PAFAH1B2: variants seen among roughly 807,000 people sequenced by gnomAD.
The protein encoded by PAFAH1B2 is platelet activating factor acetylhydrolase 1b catalytic subunit 2.
In PAFAH1B2, 8 loss-of-function variants were observed where a neutral mutation model predicts 28.0. The ratio of observed to expected loss-of-function variants is 0.29; its 90% CI spans 0.17 to 0.52. The LOEUF (loss-of-function observed/expected upper bound fraction) is 0.52, where lower values mean the gene tolerates loss of function less well. PAFAH1B2 is among the 20% of genes least tolerant of loss of function. The pLI is 0.97. For missense variants in PAFAH1B2, 190 were observed against 282.6 expected (o/e 0.67, Z 2.35); for synonymous variants, 104 against 103.2 (o/e 1.01, Z -0.05).
rs113823301 is a variant in PAFAH1B2 at position 117,161,080 on chromosome 11, T to C, written c.172-65T>C. 8.3e-4 allele frequency: 805 copies of C among 965,396 alleles called. 10 individuals carry two copies. In the African/African-American group the frequency reaches 0.012, roughly 15 times the overall value. The allele number at this position is 965,396 out of a possible 1,614,324, so 59.8% of individuals were successfully genotyped here. ...AGGAAATTAATGCCTTGCAACACAT[T>C]GCAGTCGAAAGATTAAACTTTCCCC... On this transcript the variant is annotated intron_variant, in intron 3 of 5. Transcript: ENST00000527958.
intron 1 of PAFAH1B2, among the ~76,000 whole-genome samples, chr11:117,144,826 G>C (rs1955957795): frequency 6.6e-6 from 1 of 151,920 alleles, no homozygotes; most frequent in South Asian, 2.1e-4. Flanking sequence ...GGGCGCTGCA[G>C]CTCCTGCCCG....
chr11:117,152,436 C>A lies in PAFAH1B2; in HGVS notation c.-7-5C>A. 6.3e-7 allele frequency: 1 copy of A among 1,597,786 alleles called. No individual in the cohort carries two copies. The highest frequency in any genetic ancestry group is 8.6e-7 in the Non-Finnish European group (1 of 1,166,166). On this transcript the variant is annotated splice_region_variant and splice_polypyrimidine_tract_variant and intron_variant, in intron 1 of 5. Transcript: ENST00000527958. The stretch of plus-strand genomic sequence containing the variant: ...ATGAAACATGACATAGACGTTTTTT[C>A]TCAGGTGTAGAATGAGCCAAGGAGA...
chr11:117,168,769 A>T lies in PAFAH1B2; in HGVS notation c.*1070A>T, dbSNP rs1272358020. ...TATAATATCTTAAGGTGTATATTTT[A>T]TTTTTTTTATTGGCTTAGTTGTTTT... is the stretch of plus-strand genomic sequence containing the variant. On this transcript the variant is annotated 3_prime_UTR_variant, in exon 6 of 6. Transcript: ENST00000527958. The T allele has an allele frequency of 1.6e-5, 16 of 1,006,706 alleles. No individual in the cohort carries two copies. The Admixed American group carries it at 7.8e-4, about 49-fold the overall frequency. The allele number at this position is 1,006,706 out of a possible 1,614,324, so 62.4% of individuals were successfully genotyped here.
chr11:117,169,824 G>A lies in PAFAH1B2; in HGVS notation c.*2125G>A, dbSNP rs188141473. 111 of 1,054,826 alleles carry A rather than the reference G, an allele frequency of 1.1e-4. No homozygotes were observed. The South Asian group carries it at 4.3e-3, about 41-fold the overall frequency. The allele number at this position is 1,054,826 out of a possible 1,614,324, so 65.3% of individuals were successfully genotyped here. A position where few individuals can be genotyped will look rare whatever the true frequency, so the allele number is the denominator to read the frequency against. On this transcript the variant is annotated 3_prime_UTR_variant, in exon 6 of 6. Coordinates refer to ENST00000527958, the MANE Select transcript of PAFAH1B2 (RefSeq NM_002572.4). ...TGTGGAAAGACAGTTTTCTATCCAC[G>A]TCTTTTTCTGTTTGTCAGAAGGTGG...
intron 2 of PAFAH1B2, among the ~76,000 whole-genome samples, chr11:117,154,035 G>C (rs1956212063): frequency 6.6e-6 from 1 of 151,258 alleles, no homozygotes; most frequent in Non-Finnish European, 1.5e-5. Context: ...GATCACTTGA[G>C]CCCAGGATAT....
Position 117,170,940 on chromosome 11 carries a change from C to T in PAFAH1B2, c.*3241C>T. ...GATCACTGCTGCTAGCTGACTGGAC[C>T]TCCCCATTGGAAGTTTGTGATTTTG... On this transcript the variant is annotated 3_prime_UTR_variant, in exon 6 of 6. Transcript: ENST00000527958. The T allele has an allele frequency of 1.9e-6, 2 of 1,056,852 alleles. No individual in the cohort carries two copies. Among genetic ancestry groups the T allele is most frequent in the Non-Finnish European group, 2.3e-6 (2 of 873,972 alleles). 65.5% of individuals were successfully genotyped at this position (1,056,852 alleles called of 1,614,324 possible).
intron 4 of PAFAH1B2, among the ~76,000 whole-genome samples, chr11:117,161,700 G>T (rs535875651): frequency 6.6e-6 from 1 of 151,998 alleles, no homozygotes. Flanking sequence ...TAGAGATGGG[G>T]TTTCACCATC....
chr11:117,152,610 G>T, intron 2 of PAFAH1B2, 82 bp downstream of exon 2: 4 of 963,366 alleles, frequency 4.2e-6, no homozygotes, highest in African/African-American at 3.2e-5. Flanking sequence ...TTGAGACAAG[G>T]TCTCACTGTG....
downstream of PAFAH1B2, chr11:117,176,022 A>C (rs1450687667): frequency 8.5e-6 from 9 of 1,057,612 alleles, no homozygotes; most frequent in Middle Eastern, 2.0e-4. Context: ...CTCATGATGA[A>C]GAAACCTCTT....
At position 117,168,940 on chromosome 11, in the gene PAFAH1B2, G is replaced by A; in HGVS notation, c.*1241G>A. 1 of 284,110 alleles carries A rather than the reference G, an allele frequency of 3.5e-6. No homozygotes were observed. The highest frequency in any genetic ancestry group is 5.6e-6 in the Non-Finnish European group (1 of 178,450). 17.6% of individuals were successfully genotyped at this position (284,110 alleles called of 1,614,324 possible). On this transcript the variant is annotated 3_prime_UTR_variant, in exon 6 of 6. Transcript: ENST00000527958. ...TGAGTAGCTGGGATTACAGGTGCAT[G>A]CCACCATGCCCGGCTAATTTTTATA...
chr11:117,153,948 G>A (rs1295168450), intron 2 of PAFAH1B2, among the ~76,000 whole-genome samples: 2 of 148,570 alleles, frequency 1.3e-5, no homozygotes, highest in Non-Finnish European at 3.0e-5. Context: ...TTTTAAGACA[G>A]GGCAGTATAC....
chr11:117,144,322 G>T lies in PAFAH1B2; in HGVS notation c.-104G>T, dbSNP rs1955938511. ...CTGCTGGTGCTGGGGCCGGAGGAGG[G>T]ACGCGCCGGAGCGGGACCGACGGGA... On this transcript the variant is annotated 5_prime_UTR_variant, in exon 1 of 6. Coordinates refer to ENST00000527958, the MANE Select transcript of PAFAH1B2 (RefSeq NM_002572.4). The T allele has an allele frequency of 2.5e-6, 1 of 403,764 alleles. No individual in the cohort carries two copies. The highest frequency in any genetic ancestry group is 2.1e-5 in the African/African-American group (1 of 46,872). The allele number at this position is 403,764 out of a possible 1,614,324, so 25.0% of individuals were successfully genotyped here. A position where few individuals can be genotyped will look rare whatever the true frequency, so the allele number is the denominator to read the frequency against.
intron 1 of PAFAH1B2, among the ~76,000 whole-genome samples, chr11:117,144,976 A>G (rs1955963611): frequency 1.3e-5 from 2 of 152,268 alleles, no homozygotes; most frequent in South Asian, 4.1e-4. Context: ...TTTGTTGAAA[A>G]ATTTCAACTC....
At chr11:117,145,648 C>T (rs1264627424) in intron 1 of PAFAH1B2, among the ~76,000 whole-genome samples, 4 of 152,102 alleles carry the variant, frequency 2.6e-5, no homozygotes, top group Non-Finnish European at 5.9e-5. Flanking sequence ...ACCGGAGGAA[C>T]CACCCACCAG....
chr11:117,153,606 G>T (rs1206998835), intron 2 of PAFAH1B2, among the ~76,000 whole-genome samples: 1 of 152,066 alleles, frequency 6.6e-6, no homozygotes, highest in Non-Finnish European at 1.5e-5. Flanking sequence ...GGCCAGGCTG[G>T]TTTCAAACTC....
At chr11:117,171,071 T>C (rs2134227241), downstream of PAFAH1B2, 3 of 1,023,130 alleles carry the variant, frequency 2.9e-6, no homozygotes, top group Non-Finnish European at 3.5e-6. Flanking sequence ...CTGTCTCCTT[T>C]ATCATAGTTT....
At chr11:117,175,116 A>G (rs2029900915), downstream of PAFAH1B2, 5 of 1,242,772 alleles carry the variant, frequency 4.0e-6, no homozygotes, top group Non-Finnish European at 5.1e-6. Context: ...ACAGGGAAAT[A>G]TAAGTCAAAT....
intron 5 of PAFAH1B2, among the ~76,000 whole-genome samples, chr11:117,166,198 T>TG (rs984287532): frequency 7.2e-5 from 11 of 152,222 alleles, no homozygotes; most frequent in South Asian, 2.1e-4. Flanking sequence ...CCACAGTTGC[T>TG]GGGGGGCCAG....
rs758406090 is a variant in PAFAH1B2 at position 117,169,188 on chromosome 11, C to T, written c.*1489C>T. On this transcript the variant is annotated 3_prime_UTR_variant, in exon 6 of 6. Coordinates refer to ENST00000527958, the MANE Select transcript of PAFAH1B2 (RefSeq NM_002572.4). ...TCTTCAGCATAGACACTACCTTTAT[C>T]CCATCATTTTAGTAAAAACTAGGTT... The T allele has an allele frequency of 4.3e-5, 44 of 1,031,166 alleles. No homozygotes were observed. Among genetic ancestry groups the T allele is most frequent in the Non-Finnish European group, 5.1e-5 (44 of 857,760 alleles). The allele number at this position is 1,031,166 out of a possible 1,614,324, so 63.9% of individuals were successfully genotyped here. A position where few individuals can be genotyped will look rare whatever the true frequency, so the allele number is the denominator to read the frequency against.
Sources: gnomAD v4.1 joint callset for allele counts (sites outside exome capture counted in the v4.1 genomes callset) on GRCh38, gnomAD v4.1.1 for gene constraint, MANE v1.5 for transcripts, NCBI Gene and HGNC (gene_info 2026-07-23, HGNC 2026-07-21) for gene names.